QTMAN: variants seen among roughly 807,000 people sequenced by gnomAD.
QTMAN encodes tRNA-queuosine alpha-mannosyltransferase.
chr2:144,131,641 A>G, the QTMAN span, among the ~76,000 whole-genome samples: 1 of 151,862 alleles, frequency 6.6e-6, no homozygotes, highest in African/African-American at 2.4e-5. Context: ...TCTTCTCTAG[A>G]TCCAATGACC....
the QTMAN span, among the ~76,000 whole-genome samples, chr2:144,252,414 G>C: frequency 6.6e-6 from 1 of 152,014 alleles, no homozygotes; most frequent in Non-Finnish European, 1.5e-5. Context: ...AAAAGTAAGG[G>C]GGGGCAAAAG....
chr2:144,152,696 T>C, the QTMAN span, among the ~76,000 whole-genome samples: 1 of 152,206 alleles, frequency 6.6e-6, no homozygotes, highest in Non-Finnish European at 1.5e-5. Context: ...TGTAGATATA[T>C]CTGTTTTTAG....
At chr2:144,259,051 G>T in the QTMAN span, among the ~76,000 whole-genome samples, 2 of 152,186 alleles carry the variant, frequency 1.3e-5, no homozygotes, top group Non-Finnish European at 2.9e-5. Context: ...TTCCTTTTCT[G>T]ATCATCCAGA....
At chr2:144,093,822 C>T in the QTMAN span, among the ~76,000 whole-genome samples, 1 of 152,090 alleles carries the variant, frequency 6.6e-6, no homozygotes, top group Non-Finnish European at 1.5e-5. Context: ...CCTTTATATC[C>T]AGTACCCTAC....
At chr2:144,271,841 T>C in the QTMAN span, among the ~76,000 whole-genome samples, 2 of 152,330 alleles carry the variant, frequency 1.3e-5, no homozygotes, top group African/African-American at 2.4e-5. Flanking sequence ...TGCCTCAACC[T>C]GAATCTCTTG....
the QTMAN span, among the ~76,000 whole-genome samples, chr2:143,958,770 ATTTC>A: frequency 2.9e-4 from 35 of 122,208 alleles, no homozygotes; most frequent in African/African-American, 7.6e-4. Context: ...GGTGATTTTT[ATTTC>A]TTTCTTTCTT....
chr2:144,266,801 CTCTGACCTT>C, the QTMAN span, among the ~76,000 whole-genome samples: 1 of 152,190 alleles, frequency 6.6e-6, no homozygotes, highest in Non-Finnish European at 1.5e-5. Flanking sequence ...ATTTAATAAA[CTCTGACCTT>C]CCTACTTCAC....
At chr2:144,289,101 T>A in the QTMAN span, among the ~76,000 whole-genome samples, 1 of 147,234 alleles carries the variant, frequency 6.8e-6, no homozygotes, top group African/African-American at 2.5e-5. Flanking sequence ...TGGTGCGATC[T>A]CCACTCACTG....
the QTMAN span, among the ~76,000 whole-genome samples, chr2:144,297,577 CTTT>C: frequency 3.4e-5 from 4 of 119,290 alleles, no homozygotes; most frequent in African/African-American, 3.2e-5. Flanking sequence ...AGGATTCCGT[CTTT>C]TTTTTTTTTT....
the QTMAN span, among the ~76,000 whole-genome samples, chr2:144,301,207 T>A: frequency 6.6e-6 from 1 of 152,120 alleles, no homozygotes; most frequent in African/African-American, 2.4e-5. Context: ...ACCTTTTTTG[T>A]TTTGTCTTGT....
the QTMAN span, among the ~76,000 whole-genome samples, chr2:144,058,859 G>GTGCAGCTAGAAGGGCAC: frequency 1.3e-4 from 20 of 152,090 alleles, no homozygotes; most frequent in Admixed American, 1.1e-3. Context: ...GTTTCAAAGA[G>GTGCAGCTAGAAGGGCAC]TCTCCTCAAT....
At chr2:144,105,677 T>G in the QTMAN span, among the ~76,000 whole-genome samples, 106 of 152,226 alleles carry the variant, frequency 7.0e-4, no homozygotes, top group African/African-American at 2.4e-3. Context: ...TGGAAAACAC[T>G]CTGCAGGATA....
At chr2:144,174,927 C>A in the QTMAN span, among the ~76,000 whole-genome samples, 1 of 151,930 alleles carries the variant, frequency 6.6e-6, no homozygotes, top group Non-Finnish European at 1.5e-5. Context: ...GCAGTAAAAC[C>A]AAAAACAGTG....
At chr2:144,047,243 C>A in the QTMAN span, among the ~76,000 whole-genome samples, 2 of 151,960 alleles carry the variant, frequency 1.3e-5, no homozygotes, top group African/African-American at 4.8e-5. Context: ...TGTCCTCCAG[C>A]CTGGGTGACA....
At chr2:143,983,135 GT>G in the QTMAN span, among the ~76,000 whole-genome samples, 1 of 152,078 alleles carries the variant, frequency 6.6e-6, no homozygotes, top group Admixed American at 6.5e-5. Flanking sequence ...CTCATATTTA[GT>G]ATCTGTACTT....
At chr2:144,039,483 C>G in the QTMAN span, among the ~76,000 whole-genome samples, 1 of 152,138 alleles carries the variant, frequency 6.6e-6, no homozygotes, top group Non-Finnish European at 1.5e-5. Context: ...CTGAAAACCC[C>G]TTGAAAGGAT....
chr2:143,989,600 G>C, the QTMAN span, among the ~76,000 whole-genome samples: 1 of 152,114 alleles, frequency 6.6e-6, no homozygotes, highest in African/African-American at 2.4e-5. Flanking sequence ...CTGAGCTGGG[G>C]AAGAAAAAGG....
the QTMAN span, among the ~76,000 whole-genome samples, chr2:144,121,738 G>A: frequency 6.6e-6 from 1 of 152,146 alleles, no homozygotes; most frequent in Non-Finnish European, 1.5e-5. Flanking sequence ...TATTTGCGGG[G>A]CTGTGCCAGC....
At chr2:143,965,716 G>A in the QTMAN span, among the ~76,000 whole-genome samples, 21 of 152,188 alleles carry the variant, frequency 1.4e-4, no homozygotes, top group South Asian at 6.2e-4. Flanking sequence ...CAACAGTTGT[G>A]ACAGCCAAAA....
Sources: allele counts gnomAD v4.1 joint callset (sites outside exome capture counted in the v4.1 genomes callset), GRCh38; gene constraint gnomAD v4.1.1; transcripts MANE v1.5; gene names NCBI Gene and HGNC (gene_info 2026-07-23, HGNC 2026-07-21).